KATNIP: variants seen among roughly 807,000 people sequenced by gnomAD.
KATNIP encodes the protein katanin interacting protein.
A neutral mutation model predicts 174.0 loss-of-function variants in KATNIP; 126 were observed. The observed-to-expected ratio is 0.72, with a 90% CI of 0.63 to 0.84. KATNIP has a LOEUF of 0.84. Ranked by LOEUF, KATNIP falls within the 40% of genes least tolerant of loss-of-function variation. The probability of loss-of-function intolerance (pLI) is 0.00; values close to 1 mark genes in which losing one functional copy is unlikely to be tolerated. For missense variants in KATNIP, 1,958 were observed against 2,109.7 expected (o/e 0.93, Z 1.41); for synonymous variants, 810 against 835.7 (o/e 0.97, Z 0.53).
rs186282930 is a variant in KATNIP, at chr16:27,554,646, T to C, written c.7+4469T>C. Among the ~76,000 whole-genome samples the C allele has an allele frequency of 2.6e-5, 4 of 152,280 alleles. No homozygotes were observed. In the East Asian group the frequency reaches 7.7e-4, roughly 29 times the overall value. On this transcript the variant is annotated intron_variant, in intron 1 of 27. Transcript: ENST00000261588. ...CTGTACTTGCAGTCTTAGGACGTTATTGTAGCCTAGTAGAGGGGTATGTTC... is the reference window on the plus strand; with the variant it reads ...CTGTACTTGCAGTCTTAGGACGTTACTGTAGCCTAGTAGAGGGGTATGTTC...
chr16:27,571,650 G>C (rs901859284), intron 1 of KATNIP, among the ~76,000 whole-genome samples: 7 of 151,564 alleles, frequency 4.6e-5, no homozygotes, highest in African/African-American at 1.7e-4. Context: ...GGGCCCTGTG[G>C]GGCCCTGCAG....
At chr16:27,700,755 G>A (rs149678425) in intron 10 of KATNIP, among the ~76,000 whole-genome samples, 240 of 152,320 alleles carry the variant, frequency 1.6e-3, no homozygotes, top group African/African-American at 4.9e-3. Context: ...AAGTGGGGAC[G>A]GGAGAAGCAG....
At chr16:27,717,589 G>A (rs746203600) in intron 13 of KATNIP, among the ~76,000 whole-genome samples, 36 of 152,178 alleles carry the variant, frequency 2.4e-4, no homozygotes, top group East Asian at 3.9e-4. Context: ...CACATGCCCC[G>A]GGTCTGGCTC....
In KATNIP at chr16:27,776,446, G is replaced by A. The variant is rs115057407; in HGVS notation, c.4450-482G>A. On this transcript the variant is annotated intron_variant, in intron 24 of 27. Transcript: ENST00000261588. The surrounding 1 kb of genome is among the most constrained non-coding windows in gnomAD (Gnocchi z 4.7). ...CCCCCTTTTTACTCCCCCAGCGGAG[G>A]TTCACAGACACGCCCTGGACATTGT... is the stretch of plus-strand genomic sequence containing the variant. Among the ~76,000 whole-genome samples, 1,503 of 152,266 alleles carry A rather than the reference G, an allele frequency of 9.9e-3. 26 individuals are homozygous for A. The highest frequency in any genetic ancestry group is 0.035 in the African/African-American group (1,446 of 41,534).
intron 14 of KATNIP, among the ~76,000 whole-genome samples, chr16:27,738,576 G>T (rs932013744): frequency 6.6e-6 from 1 of 152,200 alleles, no homozygotes; most frequent in Admixed American, 6.5e-5. Context: ...ATTTAGGCTG[G>T]CAGTGAGAGA....
rs766569639 is a variant in KATNIP at position 27,699,585 on chromosome 16, G to A, written c.1165G>A (p.Glu389Lys). ...KPWTSLLEEK[E>K]ETLELLPITT... is the part of the protein sequence containing the mutation. Reference sequence around the variant, plus strand: ...ATGGACCAGTCTGCTGGAGGAGAAGGAAGAGACCCTTGAGGTCAGTGCTAG... The same window carrying A: ...ATGGACCAGTCTGCTGGAGGAGAAGAAAGAGACCCTTGAGGTCAGTGCTAG... Residue 389 changes from glutamate (E) to lysine (K), a missense_variant, in exon 10 of 28, where the codon GAA (glutamate) becomes AAA (lysine). Physicochemically the swap from Glu to Lys is moderately conservative, Grantham distance 56. This residue lies in a region of KATNIP where 1,557 missense variants were observed against 1,617.8 expected (regional missense o/e 0.96). Coordinates refer to ENST00000261588, the MANE Select transcript of KATNIP (RefSeq NM_015202.5). 5.0e-6 allele frequency: 8 copies of A among 1,614,056 alleles called. No homozygotes were observed. In the South Asian group the frequency reaches 5.5e-5, roughly 11 times the overall value.
In KATNIP at chr16:27,750,723, C is replaced by T. The variant is rs142179722; in HGVS notation, c.3346+417C>T. 2.1e-3 allele frequency among the ~76,000 whole-genome samples: 304 copies of T among 147,136 alleles called. 3 individuals are homozygous for T. In the East Asian group the frequency reaches 0.038, roughly 18 times the overall value. The stretch of plus-strand genomic sequence containing the variant: ...TTGGAATTACAGGCGTGAGCCACCG[C>T]GCCCAGCCCTTTTTTTTTTTTTTTT... On this transcript the variant is annotated intron_variant, in intron 16 of 27. Transcript: ENST00000261588.
At chr16:27,766,224 T>G in intron 19 of KATNIP, 85 bp from the exon 20 acceptor site, 1 of 1,466,316 alleles carries the variant, frequency 6.8e-7, no homozygotes. Context: ...GGGACGTACT[T>G]GGGGCCGAGG....
At chr16:27,582,148 C>T (rs961455722) in intron 2 of KATNIP, among the ~76,000 whole-genome samples, 1 of 152,166 alleles carries the variant, frequency 6.6e-6, no homozygotes, top group Non-Finnish European at 1.5e-5. Flanking sequence ...GAGTTTCAGA[C>T]TCCACTAGCG....
intron 3 of KATNIP, among the ~76,000 whole-genome samples, chr16:27,621,860 A>G (rs1596964828): frequency 1.3e-5 from 2 of 151,908 alleles, no homozygotes; most frequent in Non-Finnish European, 2.9e-5. Context: ...CATCAAGGGG[A>G]TGCTGCTAAA....
rs563306079 is a variant in KATNIP, at chr16:27,767,582, C to T, written c.3975+1108C>T. On this transcript the variant is annotated intron_variant, in intron 20 of 27. Transcript: ENST00000261588. ...CCAAAAAAATAGGCAGGCTTAGTGG[C>T]ACACACCTGTAGTCCCAGCCATTCA... is the stretch of plus-strand genomic sequence containing the variant. Among the ~76,000 whole-genome samples the T allele has an allele frequency of 1.1e-4, 16 of 152,292 alleles. No individual in the cohort carries two copies. The South Asian group carries it at 2.7e-3, about 26-fold the overall frequency.
At chr16:27,560,901 G>A (rs1409893795) in intron 1 of KATNIP, among the ~76,000 whole-genome samples, 1 of 152,202 alleles carries the variant, frequency 6.6e-6, no homozygotes, top group Non-Finnish European at 1.5e-5. Flanking sequence ...TAACGGATTT[G>A]TTCCCTAGTG....
intron 18 of KATNIP, among the ~76,000 whole-genome samples, chr16:27,757,738 C>T (rs1018746954): frequency 5.9e-5 from 9 of 152,234 alleles, no homozygotes; most frequent in Admixed American, 3.9e-4. Flanking sequence ...GCTTTTTCCT[C>T]ACCGTATTCA....
At chr16:27,727,482 T>C (rs1024490535) in intron 14 of KATNIP, 3 of 152,478 alleles carry the variant, frequency 2.0e-5, no homozygotes, top group Non-Finnish European at 4.4e-5. Context: ...TTGAGGAATT[T>C]AAAAGACTAC....
intron 2 of KATNIP, among the ~76,000 whole-genome samples, chr16:27,605,985 C>T (rs2075690218): frequency 6.6e-6 from 1 of 152,092 alleles, no homozygotes; most frequent in Non-Finnish European, 1.5e-5. Flanking sequence ...CAAAAATTAG[C>T]TGGGCGTGGT....
intron 14 of KATNIP, among the ~76,000 whole-genome samples, chr16:27,732,940 A>G (rs1223811858): frequency 1.3e-5 from 2 of 152,168 alleles, no homozygotes; most frequent in Non-Finnish European, 2.9e-5. Flanking sequence ...TGCCTGCAGT[A>G]TGGGCTCCCT....
At chr16:27,690,278 G>T (rs1597179826) in intron 8 of KATNIP, among the ~76,000 whole-genome samples, 1 of 151,058 alleles carries the variant, frequency 6.6e-6, no homozygotes, top group East Asian at 1.9e-4. Context: ...CTCATTCCAT[G>T]GCACTCCAGC....
intron 12 of KATNIP, among the ~76,000 whole-genome samples, chr16:27,708,024 CTTT>C (rs34070705): frequency 2.8e-5 from 4 of 140,556 alleles, no homozygotes; most frequent in Non-Finnish European, 1.6e-5. Flanking sequence ...AGCCCGTAAC[CTTT>C]TTTTTTTTTT....
chr16:27,715,926 A>C (rs912823875), intron 13 of KATNIP, among the ~76,000 whole-genome samples: 2 of 152,096 alleles, frequency 1.3e-5, no homozygotes, highest in Non-Finnish European at 2.9e-5. Context: ...ATGACCTAGC[A>C]ATTCCATTCC....
Sources: gnomAD v4.1 joint callset for allele counts (sites outside exome capture counted in the v4.1 genomes callset) on GRCh38, gnomAD v4.1.1 for gene constraint, gnomAD v4.1.1 regional missense constraint, Gnocchi (gnomAD v3.1) non-coding constraint, MANE v1.5 for transcripts, NCBI Gene and HGNC (gene_info 2026-07-23, HGNC 2026-07-21) for gene names.